MFSD2B: variants seen among roughly 807,000 people sequenced by gnomAD.
MFSD2B encodes sphingosine-1-phosphate transporter MFSD2B.
In MFSD2B, 56 loss-of-function variants were observed where a neutral mutation model predicts 58.4. The observed-to-expected ratio is 0.96, with a 90% confidence interval of 0.77 to 1.20. The LOEUF (loss-of-function observed/expected upper bound fraction) is 1.20. MFSD2B is among the 50% of genes most tolerant of loss of function. The pLI, the probability that MFSD2B is intolerant of heterozygous loss-of-function variation, is 0.00. For synonymous variants in MFSD2B, 287 were observed against 294.4 expected (o/e 0.97, Z 0.26); for missense variants, 645 against 667.6 (o/e 0.97, Z 0.37).
chr2:24,011,039 G>A (rs189950443), intron 1 of MFSD2B, among the ~76,000 whole-genome samples: 233 of 152,332 alleles, frequency 1.5e-3, no homozygotes, highest in African/African-American at 5.4e-3. Flanking sequence ...AAGTTCCGGC[G>A]TGGAATCCTC....
chr2:24,022,059 T>G lies in MFSD2B; in HGVS notation c.894+89T>G. 6.7e-7 allele frequency: 1 copy of G among 1,497,606 alleles called. No individual in the cohort carries two copies. Among genetic ancestry groups the G allele is most frequent in the Non-Finnish European group, 9.2e-7 (1 of 1,085,870 alleles). The allele number at this position is 1,497,606 out of a possible 1,614,324, so 92.8% of individuals were successfully genotyped here. ...GGGTGCAGTCTTGGCTTGAGTTTTATAGGGAGAAACCTGCGGCTGGCACAT... is the reference window on the plus strand; with the variant it reads ...GGGTGCAGTCTTGGCTTGAGTTTTAGAGGGAGAAACCTGCGGCTGGCACAT... On this transcript the variant is annotated intron_variant, in intron 8 of 13. Transcript: ENST00000338315. This position sits in a 1 kb window ranked among gnomAD's most constrained non-coding sequence, Gnocchi z 4.5.
Position 24,022,947 on chromosome 2 carries a change from A to T in MFSD2B, c.1059+45A>T. The T allele has an allele frequency of 6.5e-7, 1 of 1,541,334 alleles. No individual in the cohort carries two copies. The highest frequency in any genetic ancestry group is 8.8e-7 in the Non-Finnish European group (1 of 1,130,184). On this transcript the variant is annotated intron_variant, in intron 10 of 13. Coordinates refer to ENST00000338315, the MANE Select transcript of MFSD2B (RefSeq NM_001346880.2). This position sits in a 1 kb window ranked among gnomAD's most constrained non-coding sequence, Gnocchi z 4.5. ...AGGATTGGGGGTGGCCGGAGGGGAG[A>T]GGTGAGCGAGGTGACCTTGGTGCCT...
At position 24,022,969 on chromosome 2, in the gene MFSD2B, G is replaced by A. The variant is rs1057407119; in HGVS notation, c.1059+67G>A. 45 of 1,486,112 alleles carry A rather than the reference G, an allele frequency of 3.0e-5. No individual in the cohort carries two copies. The highest frequency in any genetic ancestry group is 4.1e-5 in the Non-Finnish European group (44 of 1,079,962). 92.1% of individuals were successfully genotyped at this position (1,486,112 alleles called of 1,614,324 possible). On this transcript the variant is annotated intron_variant, in intron 10 of 13. Coordinates refer to ENST00000338315, the MANE Select transcript of MFSD2B (RefSeq NM_001346880.2). This position sits in a 1 kb window ranked among gnomAD's most constrained non-coding sequence, Gnocchi z 4.5. ...GAGAGGTGAGCGAGGTGACCTTGGTGCCTGAGCCTCCTGGGGCCAGCAGGG... is the reference window on the plus strand; with the variant it reads ...GAGAGGTGAGCGAGGTGACCTTGGTACCTGAGCCTCCTGGGGCCAGCAGGG...
At chr2:24,010,579 C>T (rs376974790) in intron 1 of MFSD2B, among the ~76,000 whole-genome samples, 4 of 152,316 alleles carry the variant, frequency 2.6e-5, no homozygotes, top group South Asian at 2.1e-4. Flanking sequence ...GCTGTGGCCT[C>T]GGCCTCCCTC....
chr2:24,023,315 C>A lies in MFSD2B; in HGVS notation c.1169+76C>A, dbSNP rs1662867341. 1 of 1,239,770 alleles carries A rather than the reference C, an allele frequency of 8.1e-7. No homozygotes were observed. 76.8% of individuals were successfully genotyped at this position (1,239,770 alleles called of 1,614,324 possible). ...TTCATGTAAACCTGCCGTCCCAGGC[C>A]CCCTGCACCCAGCCTGTGCAGGAGA... On this transcript the variant is annotated intron_variant, in intron 11 of 13. Coordinates refer to ENST00000338315, the MANE Select transcript of MFSD2B (RefSeq NM_001346880.2). The surrounding 1 kb of genome is among the most constrained non-coding windows in gnomAD (Gnocchi z 5.0).
In MFSD2B at chr2:24,019,959, A is replaced by G. The variant is rs529184002; in HGVS notation, c.682-1689A>G. On this transcript the variant is annotated intron_variant, in intron 6 of 13. Transcript: ENST00000338315. ...TGCACTCACATCTGCGCCCCCATTC[A>G]GGCCTCCCATGCCTCTCTCCAATGC... 2.0e-5 allele frequency among the ~76,000 whole-genome samples: 3 copies of G among 152,274 alleles called. No homozygotes were observed. The South Asian group carries it at 6.2e-4, about 32-fold the overall frequency.
rs1269637066 is a variant in MFSD2B at position 24,022,026 on chromosome 2, T to C, written c.894+56T>C. ...TGGTGCTGGCCATGCTGACCTTGCA[T>C]AGGTTCAGGGTGCAGTCTTGGCTTG... On this transcript the variant is annotated intron_variant, in intron 8 of 13. Coordinates refer to ENST00000338315, the MANE Select transcript of MFSD2B (RefSeq NM_001346880.2). The surrounding 1 kb of genome is among the most constrained non-coding windows in gnomAD (Gnocchi z 4.5). 2 of 1,609,308 alleles carry C rather than the reference T, an allele frequency of 1.2e-6. No homozygotes were observed. Among genetic ancestry groups the C allele is most frequent in the Non-Finnish European group, 1.7e-6 (2 of 1,176,598 alleles).
rs955415139 is a variant in MFSD2B, at chr2:24,021,654, C to G, written c.688C>G (p.Leu230Val). The G allele has an allele frequency of 1.9e-6, 3 of 1,612,688 alleles. No individual in the cohort carries two copies. The highest frequency in any genetic ancestry group is 2.2e-5 in the East Asian group (1 of 44,838). Residue 230 changes from leucine to valine, a missense_variant, in exon 7 of 14, where the codon CTC becomes GTC. By Grantham distance (32) the Leu-to-Val change is conservative (BLOSUM62 1). Transcript: ENST00000338315. This position sits in a 1 kb window ranked among gnomAD's most constrained non-coding sequence, Gnocchi z 5.7. ...PVTVSPNAAH[L>V]YCIAAAVVVV... ...GTCCTGTCCTGTCCCACAGGCCCATCTCTACTGCATTGCGGCTGCCGTGGT... is the reference window on the plus strand; with the variant it reads ...GTCCTGTCCTGTCCCACAGGCCCATGTCTACTGCATTGCGGCTGCCGTGGT...
At position 24,022,971 on chromosome 2, in the gene MFSD2B, C is replaced by T; in HGVS notation, c.1059+69C>T. ...GAGGTGAGCGAGGTGACCTTGGTGCCTGAGCCTCCTGGGGCCAGCAGGGGT... is the reference window on the plus strand; with the variant it reads ...GAGGTGAGCGAGGTGACCTTGGTGCTTGAGCCTCCTGGGGCCAGCAGGGGT... On this transcript the variant is annotated intron_variant, in intron 10 of 13. Coordinates refer to ENST00000338315, the MANE Select transcript of MFSD2B (RefSeq NM_001346880.2). This position sits in a 1 kb window ranked among gnomAD's most constrained non-coding sequence, Gnocchi z 4.5. 6.8e-7 allele frequency: 1 copy of T among 1,473,488 alleles called. No individual in the cohort carries two copies. Among genetic ancestry groups the T allele is most frequent in the Non-Finnish European group, 9.4e-7 (1 of 1,068,734 alleles). 91.3% of individuals were successfully genotyped at this position (1,473,488 alleles called of 1,614,324 possible).
intron 1 of MFSD2B, among the ~76,000 whole-genome samples, chr2:24,011,095 C>G (rs1708938930): frequency 6.6e-6 from 1 of 152,212 alleles, no homozygotes; most frequent in South Asian, 2.1e-4. Context: ...CCAAGGAGAC[C>G]GAGGTGCCCT....
Position 24,017,386 on chromosome 2 carries a change from G to C in MFSD2B, c.550+22G>C, listed in dbSNP as rs764953676. The C allele has an allele frequency of 6.3e-7, 1 of 1,599,498 alleles. No individual in the cohort carries two copies. Among genetic ancestry groups the C allele is most frequent in the Non-Finnish European group, 8.5e-7 (1 of 1,173,686 alleles). On this transcript the variant is annotated intron_variant, in intron 5 of 13. Coordinates refer to ENST00000338315, the MANE Select transcript of MFSD2B (RefSeq NM_001346880.2). The surrounding 1 kb of genome is among the most constrained non-coding windows in gnomAD (Gnocchi z 4.8). ...TACCGTGAGTGCAGCCGTGGGTTTC[G>C]GGTTCCAGGGAGGCAACTGCCCCTG... is the stretch of plus-strand genomic sequence containing the variant.
chr2:24,025,724 C>A lies in MFSD2B; in HGVS notation c.*268C>A. 2.3e-6 allele frequency: 1 copy of A among 439,654 alleles called. No homozygotes were observed. The highest frequency in any genetic ancestry group is 6.2e-4 in the Middle Eastern group (1 of 1,620). The allele number at this position is 439,654 out of a possible 1,614,324, so 27.2% of individuals were successfully genotyped here. A position where few individuals can be genotyped will look rare whatever the true frequency, so the allele number is the denominator to read the frequency against. On this transcript the variant is annotated 3_prime_UTR_variant, in exon 14 of 14. Coordinates refer to ENST00000338315, the MANE Select transcript of MFSD2B (RefSeq NM_001346880.2). The stretch of plus-strand genomic sequence containing the variant: ...CACTTGTCTCTAGAAAAAGGAAGCT[C>A]CTGCCCAACCTGGCTTGTGGACCAG...
rs759622870 is a variant in MFSD2B at position 24,021,738 on chromosome 2, G to A, written c.772G>A (p.Asp258Asn). 3.7e-6 allele frequency: 6 copies of A among 1,613,384 alleles called. No individual in the cohort carries two copies. The change falls in exon 7 of 14, where the codon GAC becomes AAC. Residue 258 changes from aspartate (D) to asparagine (N), a missense_variant and splice_region_variant. Transcript: ENST00000338315. The surrounding 1 kb of genome is among the most constrained non-coding windows in gnomAD (Gnocchi z 5.7). ...LLCLGVKERP[D>N]PSAPASGPGL... is the part of the protein sequence containing the mutation. ...GTGCCTAGGGGTGAAGGAGCGGCCA[G>A]GTATGGGGTTTGGTGAGGAGGGAAG...
rs933537872 is a variant in MFSD2B, at chr2:24,020,294, T to G, written c.682-1354T>G. The stretch of plus-strand genomic sequence containing the variant: ...CTCACAACCCACTGTCCCATCAGAT[T>G]TCACTTACAAAATTGAAATCCATTA... On this transcript the variant is annotated intron_variant, in intron 6 of 13. Coordinates refer to ENST00000338315, the MANE Select transcript of MFSD2B (RefSeq NM_001346880.2). The surrounding 1 kb of genome is among the most constrained non-coding windows in gnomAD (Gnocchi z 4.1). Among the ~76,000 whole-genome samples the G allele has an allele frequency of 4.6e-5, 7 of 152,162 alleles. No homozygotes were observed. The highest frequency in any genetic ancestry group is 4.6e-4 in the Admixed American group (7 of 15,284).
chr2:24,022,220 C>T lies in MFSD2B; in HGVS notation c.895-213C>T, dbSNP rs926692013. On this transcript the variant is annotated intron_variant, in intron 8 of 13. Transcript: ENST00000338315. This position sits in a 1 kb window ranked among gnomAD's most constrained non-coding sequence, Gnocchi z 4.5. The stretch of plus-strand genomic sequence containing the variant: ...TTACCTGAAGTGTAGTCAAGTCCAC[C>T]TGATCACAGCTGAGCAGGTGATGAG... Among the ~76,000 whole-genome samples the T allele has an allele frequency of 1.3e-5, 2 of 152,144 alleles. No individual in the cohort carries two copies. Among genetic ancestry groups the T allele is most frequent in the East Asian group, 1.9e-4 (1 of 5,178 alleles).
Position 24,025,546 on chromosome 2 carries a change from C to A in MFSD2B, c.*90C>A. ...CTCAGCCCTCCAGCACCTGGTCTGG[C>A]AGTTTAGTATGTGACCTTTCTCCCT... On this transcript the variant is annotated 3_prime_UTR_variant, in exon 14 of 14. Transcript: ENST00000338315. The A allele has an allele frequency of 8.3e-7, 1 of 1,204,284 alleles. No individual in the cohort carries two copies. The highest frequency in any genetic ancestry group is 1.2e-6 in the Non-Finnish European group (1 of 845,172). The allele number at this position is 1,204,284 out of a possible 1,614,324, so 74.6% of individuals were successfully genotyped here. A position where few individuals can be genotyped will look rare whatever the true frequency, so the allele number is the denominator to read the frequency against.
chr2:24,016,599 T>A (rs932412880), intron 3 of MFSD2B, among the ~76,000 whole-genome samples: 1 of 152,044 alleles, frequency 6.6e-6, no homozygotes, highest in Admixed American at 6.5e-5. Context: ...TGTCCCAATG[T>A]CCACACAGGG....
chr2:24,017,399 G>A lies in MFSD2B; in HGVS notation c.550+35G>A, dbSNP rs766281848. The A allele has an allele frequency of 1.3e-6, 2 of 1,597,906 alleles. No homozygotes were observed. The highest frequency in any genetic ancestry group is 1.1e-5 in the South Asian group (1 of 88,254). On this transcript the variant is annotated intron_variant, in intron 5 of 13. Transcript: ENST00000338315. The surrounding 1 kb of genome is among the most constrained non-coding windows in gnomAD (Gnocchi z 4.8). ...GCCGTGGGTTTCGGGTTCCAGGGAGGCAACTGCCCCTGGGACCCCACTCCC... is the reference window on the plus strand; with the variant it reads ...GCCGTGGGTTTCGGGTTCCAGGGAGACAACTGCCCCTGGGACCCCACTCCC...
At position 24,023,632 on chromosome 2, in the gene MFSD2B, G is replaced by A. The variant is rs373972690; in HGVS notation, c.1219G>A (p.Gly407Arg). 51 of 1,613,822 alleles carry A rather than the reference G, an allele frequency of 3.2e-5. No individual in the cohort carries two copies. In the Middle Eastern group the frequency reaches 4.9e-4, roughly 16 times the overall value. Residue 407 changes from glycine (G) to arginine (R), a missense_variant, in exon 12 of 14, where the codon GGG becomes AGG. By Grantham distance (125) the Gly-to-Arg change is moderately radical (BLOSUM62 -2). Transcript: ENST00000338315. The surrounding 1 kb of genome is among the most constrained non-coding windows in gnomAD (Gnocchi z 5.0). ...VDDFQLQHRH[G>R]PGLETIFYSS... ...TGACTTTCAGCTGCAGCACCGTCAC[G>A]GGCCAGGCCTGGAGACCATCTTCTA...
Sources: allele counts gnomAD v4.1 joint callset (sites outside exome capture counted in the v4.1 genomes callset), GRCh38; gene constraint gnomAD v4.1.1; non-coding constraint Gnocchi (gnomAD v3.1); transcripts MANE v1.5; gene names NCBI Gene and HGNC (gene_info 2026-07-23, HGNC 2026-07-21).